Variants in WWOX observed in about 807,000 individuals in gnomAD.
WWOX encodes WW domain containing oxidoreductase.
WWOX carries 69 observed loss-of-function variants against 46.2 expected under a neutral mutation model. The observed-to-expected ratio is 1.49, with a 90% CI of 1.23 to 1.82. The LOEUF (loss-of-function observed/expected upper bound fraction) is 1.82, where lower values mean the gene tolerates loss of function less well. WWOX is among the 40% of genes most tolerant of loss of function. The pLI is 0.00. For synonymous variants in WWOX, 359 were observed against 202.6 expected, an observed-to-expected ratio of 1.77 and a Z score of -6.56; for missense variants, 919 against 542.6, an observed-to-expected ratio of 1.69 and a Z score of -6.89.
intron 4 of WWOX, among the ~76,000 whole-genome samples, chr16:78,155,076 C>G (rs1237978049): frequency 2.0e-5 from 3 of 152,084 alleles, no homozygotes; most frequent in East Asian, 1.9e-4. Flanking sequence ...GTGGTGTAAG[C>G]TTTTTCAGAG....
At chr16:78,700,265 C>T (rs546122677) in intron 8 of WWOX, among the ~76,000 whole-genome samples, 1 of 147,758 alleles carries the variant, frequency 6.8e-6, no homozygotes, top group South Asian at 2.2e-4. Flanking sequence ...GTGCTCTTTT[C>T]TGCATTTGTG....
At chr16:78,182,879 A>G (rs2035575384) in intron 5 of WWOX, among the ~76,000 whole-genome samples, 1 of 147,574 alleles carries the variant, frequency 6.8e-6, no homozygotes, top group Non-Finnish European at 1.5e-5. Flanking sequence ...TGAACCTGGG[A>G]GGCAGAGCTT....
At chr16:78,487,917 G>A (rs954565988) in intron 8 of WWOX, among the ~76,000 whole-genome samples, 1 of 152,144 alleles carries the variant, frequency 6.6e-6, no homozygotes, top group Non-Finnish European at 1.5e-5. Context: ...AGGCAAGCTG[G>A]ACTGCAGAAA....
At chr16:78,974,291 A>T (rs1408949873) in intron 8 of WWOX, among the ~76,000 whole-genome samples, 1 of 152,122 alleles carries the variant, frequency 6.6e-6, no homozygotes, top group East Asian at 1.9e-4. Context: ...AAGCAGTTAA[A>T]TGAATAACCG....
rs2083246637 is a variant in WWOX, at chr16:78,432,516, A to G, written c.820A>G (p.Lys274Glu). ...RFTDINDSLG[K>E]LDFSRLSPTK... is the part of the protein sequence containing the mutation. ...TACAGATATTAACGACTCCTTGGGA[A>G]AACTGGACTTCAGTCGCCTCTCTCC... The change falls in exon 8 of 9, where the codon AAA becomes GAA. Residue 274 changes from lysine (K) to glutamate (E), a missense_variant. Transcript: ENST00000566780. The G allele has an allele frequency of 6.2e-7, 1 of 1,614,118 alleles. No individual in the cohort carries two copies. Among genetic ancestry groups the G allele is most frequent in the Admixed American group, 1.7e-5 (1 of 60,012 alleles).
At position 78,374,527 on chromosome 16, in the gene WWOX, A is replaced by ATTTTTTTTTTT. The variant is rs541225697; in HGVS notation, c.517-12304_517-12294dup. The stretch of plus-strand genomic sequence containing the variant: ...GAGTCCTCAACTTTTTCTGTCTTGA[A>ATTTTTTTTTTT]TTTTTTTTTTTTTTTTTTTTTTTTT... On this transcript the variant is annotated intron_variant, in intron 5 of 8. Transcript: ENST00000566780. Among the ~76,000 whole-genome samples, 73 of 70,898 alleles carry ATTTTTTTTTTT rather than the reference A, an allele frequency of 1.0e-3. 2 individuals carry two copies. Among genetic ancestry groups the ATTTTTTTTTTT allele is most frequent in the Non-Finnish European group, 1.6e-3 (61 of 38,872 alleles). 46.5% of individuals were successfully genotyped at this position (70,898 alleles called of 152,430 possible). A position where few individuals can be genotyped will look rare whatever the true frequency, so the allele number is the denominator to read the frequency against.
intron 8 of WWOX, among the ~76,000 whole-genome samples, chr16:78,685,302 T>C (rs3751881): frequency 0.24 from 35,847 of 151,992 alleles, 4,669 homozygotes; most frequent in African/African-American, 0.37. Flanking sequence ...GGGACGTCCC[T>C]TGGGAAGCTA....
In WWOX at chr16:78,859,050, G is replaced by GTATATGTA. The variant is rs1597731301; in HGVS notation, c.1057-352553_1057-352552insGTATATAT. 1.7e-4 allele frequency among the ~76,000 whole-genome samples: 7 copies of GTATATGTA among 40,844 alleles called. No individual in the cohort carries two copies. In the East Asian group the frequency reaches 4.2e-3, roughly 25 times the overall value. The allele number at this position is 40,844 out of a possible 152,430, so 26.8% of individuals were successfully genotyped here. ...AAAATATATATATATATATATATAT[G>GTATATGTA]TATATATATATATATATATATATGA... is the stretch of plus-strand genomic sequence containing the variant. On this transcript the variant is annotated intron_variant, in intron 8 of 8. Coordinates refer to ENST00000566780, the MANE Select transcript of WWOX (RefSeq NM_016373.4).
intron 4 of WWOX, among the ~76,000 whole-genome samples, chr16:78,159,818 G>A (rs529213204): frequency 3.3e-5 from 5 of 151,116 alleles, no homozygotes; most frequent in African/African-American, 1.2e-4. Flanking sequence ...TTTCTTTAAC[G>A]TGCAGAAGCT....
At chr16:78,903,683 T>C (rs1212572167) in intron 8 of WWOX, among the ~76,000 whole-genome samples, 1 of 152,176 alleles carries the variant, frequency 6.6e-6, no homozygotes, top group East Asian at 1.9e-4. Context: ...AGCCTCACTT[T>C]GAGAAGCACC....
intron 8 of WWOX, among the ~76,000 whole-genome samples, chr16:78,946,137 C>T (rs1377837229): frequency 1.3e-5 from 2 of 152,132 alleles, no homozygotes; most frequent in Admixed American, 6.5e-5. Context: ...TTTAATTCCC[C>T]CTACAAGAAT....
intron 8 of WWOX, among the ~76,000 whole-genome samples, chr16:78,511,339 A>G (rs1435114931): frequency 6.6e-6 from 1 of 152,192 alleles, no homozygotes; most frequent in Non-Finnish European, 1.5e-5. Context: ...ATGACCGTTG[A>G]CGAAGGATTT....
intron 8 of WWOX, among the ~76,000 whole-genome samples, chr16:78,726,834 C>A (rs1315448529): frequency 1.3e-5 from 2 of 151,900 alleles, no homozygotes; most frequent in Non-Finnish European, 2.9e-5. Flanking sequence ...AGGAGGCTTT[C>A]AGTTTCTTCA....
intron 8 of WWOX, among the ~76,000 whole-genome samples, chr16:79,158,266 C>G (rs545368291): frequency 1.3e-5 from 2 of 152,240 alleles, no homozygotes; most frequent in Non-Finnish European, 2.9e-5. Context: ...ATACCTGGAA[C>G]AAACAAAGAA....
chr16:78,748,912 T>C (rs2049413333), intron 8 of WWOX, among the ~76,000 whole-genome samples: 2 of 152,266 alleles, frequency 1.3e-5, no homozygotes, highest in Admixed American at 6.5e-5. Flanking sequence ...ACACATGGTC[T>C]CTTATTTCTC....
intron 5 of WWOX, among the ~76,000 whole-genome samples, chr16:78,385,741 T>A (rs920087822): frequency 1.1e-4 from 17 of 152,172 alleles, no homozygotes; most frequent in African/African-American, 4.1e-4. Flanking sequence ...TCCTCCTTAA[T>A]CTTACTTAAG....
chr16:78,620,801 C>T (rs1319210767), intron 8 of WWOX, among the ~76,000 whole-genome samples: 3 of 152,070 alleles, frequency 2.0e-5, no homozygotes, highest in African/African-American at 7.3e-5. Flanking sequence ...AATATCACTA[C>T]TATAAAGACA....
At chr16:78,101,908 G>A (rs1277463476) in intron 1 of WWOX, among the ~76,000 whole-genome samples, 1 of 152,128 alleles carries the variant, frequency 6.6e-6, no homozygotes, top group African/African-American at 2.4e-5. Flanking sequence ...GCGTCCCCAC[G>A]CAGTGTGTAT....
intron 8 of WWOX, among the ~76,000 whole-genome samples, chr16:79,045,608 T>A (rs948547481): frequency 6.6e-6 from 1 of 152,006 alleles, no homozygotes; most frequent in African/African-American, 2.4e-5. Context: ...ACATCAGCTA[T>A]CAATGAAAAG....
Sources: gnomAD v4.1 joint callset for allele counts (sites outside exome capture counted in the v4.1 genomes callset) on GRCh38, gnomAD v4.1.1 for gene constraint, MANE v1.5 for transcripts, NCBI Gene and HGNC (gene_info 2026-07-23, HGNC 2026-07-21) for gene names.